MRPL36: variants seen among roughly 807,000 people sequenced by gnomAD.
The protein encoded by MRPL36 is large ribosomal subunit protein bL36m.
MRPL36 carries 1 observed loss-of-function variant against 2.8 expected under a neutral mutation model. The observed-to-expected ratio is 0.36, with a 90% CI of 0.13 to 1.69. MRPL36 has a LOEUF of 1.69. Among genes scored for constraint, MRPL36 ranks in the 40% most tolerant of loss-of-function variants. The probability of loss-of-function intolerance (pLI) is 0.35; values close to 1 mark genes in which losing one functional copy is unlikely to be tolerated. For synonymous variants in MRPL36, 68 were observed against 54.8 expected, an observed-to-expected ratio of 1.24 and a Z score of -1.06; for missense variants, 148 against 132.7, an observed-to-expected ratio of 1.12 and a Z score of -0.57.
chr5:1,799,891 G>C (rs948068233), upstream of MRPL36: 1 of 148,536 alleles, frequency 6.7e-6, no homozygotes, highest in Non-Finnish European at 1.5e-5. Flanking sequence ...GGGGGGTCAC[G>C]TGGCGTGCCC....
upstream of MRPL36, among the ~76,000 whole-genome samples, chr5:1,800,976 A>T (rs750164725): frequency 6.6e-6 from 1 of 152,222 alleles, no homozygotes; most frequent in Non-Finnish European, 1.5e-5. Context: ...ATTATCGGTT[A>T]CCATAAGAAT....
In MRPL36 at chr5:1,798,654, G is replaced by C. The variant is rs373722244; in HGVS notation, c.282C>G (p.Thr94=). 14 of 1,612,270 alleles carry C rather than the reference G, an allele frequency of 8.7e-6. No individual in the cohort carries two copies. The highest frequency in any genetic ancestry group is 3.3e-4 in the Middle Eastern group (2 of 6,074). ...RRGRWYVYCK[T]HPRHKQRQM ...TCTGTCTCTGCTTGTGCCTCGGATGGGTTTTACAGTAGACGTACCACCGAC... is the reference window on the plus strand; with the variant it reads ...TCTGTCTCTGCTTGTGCCTCGGATGCGTTTTACAGTAGACGTACCACCGAC... Residue 94 remains threonine, a synonymous_variant, in exon 2 of 2, where the codon ACC becomes ACG. Transcript: ENST00000505059.
chr5:1,800,928 T>C (rs1334825501), upstream of MRPL36, among the ~76,000 whole-genome samples: 1 of 152,210 alleles, frequency 6.6e-6, no homozygotes, highest in Non-Finnish European at 1.5e-5. Flanking sequence ...AGCAGTTGAC[T>C]CCTTCACCCA....
upstream of MRPL36, chr5:1,801,219 G>A (rs186439319): frequency 3.3e-4 from 244 of 747,250 alleles, no homozygotes; most frequent in Non-Finnish European, 4.8e-4. Context: ...TGTAATCAGG[G>A]GCATTTTTAG....
chr5:1,800,121 A>G (rs1164910677), upstream of MRPL36, among the ~76,000 whole-genome samples: 1 of 152,254 alleles, frequency 6.6e-6, no homozygotes, highest in Non-Finnish European at 1.5e-5. Flanking sequence ...GCAAATACCA[A>G]TGTCAAAACA....
At chr5:1,800,204 G>T (rs550591844), upstream of MRPL36, among the ~76,000 whole-genome samples, 1 of 152,276 alleles carries the variant, frequency 6.6e-6, no homozygotes, top group Non-Finnish European at 1.5e-5. Flanking sequence ...AGTGGAGACG[G>T]GCAGTAGTTT....
intron 1 of MRPL36, 100 bp from the exon 2 acceptor site, chr5:1,799,047 G>A: frequency 3.2e-6 from 3 of 933,904 alleles, no homozygotes; most frequent in South Asian, 3.5e-5. Context: ...GGGAAGGCAG[G>A]GACCTCGGGG....
chr5:1,801,369 G>C, upstream of MRPL36: 3 of 1,595,748 alleles, frequency 1.9e-6, no homozygotes, highest in Non-Finnish European at 2.6e-6. Context: ...GTGCGCATGC[G>C]TTAGCGCTAA....
In MRPL36 at chr5:1,798,526, C is replaced by A. The variant is rs373729697; in HGVS notation, c.*98G>T. ...TAGGGCGTTTGCTTCCAGTCACTTT[C>A]CCCTGACTCCTTGATGTGATAATTC... On this transcript the variant is annotated 3_prime_UTR_variant, in exon 2 of 2. Coordinates refer to ENST00000505059, the MANE Select transcript of MRPL36 (RefSeq NM_032479.4). 5.6e-6 allele frequency: 7 copies of A among 1,246,792 alleles called. No individual in the cohort carries two copies. Among genetic ancestry groups the A allele is most frequent in the Middle Eastern group, 3.9e-4 (2 of 5,120 alleles). 77.2% of individuals were successfully genotyped at this position (1,246,792 alleles called of 1,614,324 possible). A position where few individuals can be genotyped will look rare whatever the true frequency, so the allele number is the denominator to read the frequency against.
Position 1,798,918 on chromosome 5 carries a change from T to C in MRPL36, c.18A>G (p.Ile6Met). MANLF[I>M]RKMVNPLLYL... is the part of the protein sequence containing the mutation. ...AGAGCAGAGGGTTCACCATTTTCCT[T>C]ATAAAAAGATTTGCCATGTTGTGGT... is the stretch of plus-strand genomic sequence containing the variant. The change falls in exon 2 of 2, where the codon ATA becomes ATG. Residue 6 changes from isoleucine (I) to methionine (M), a missense_variant. Coordinates refer to ENST00000505059, the MANE Select transcript of MRPL36 (RefSeq NM_032479.4). 1 of 1,591,456 alleles carries C rather than the reference T, an allele frequency of 6.3e-7. No homozygotes were observed. Among genetic ancestry groups the C allele is most frequent in the East Asian group, 2.3e-5 (1 of 44,336 alleles).
chr5:1,799,730 C>T (rs1311886749), intron 1 of MRPL36, 62 bp downstream of exon 1: 2 of 152,290 alleles, frequency 1.3e-5, no homozygotes, highest in Non-Finnish European at 2.9e-5. Flanking sequence ...CGGCCCCACC[C>T]TCTCGCAGCC....
At chr5:1,799,044 C>G in intron 1 of MRPL36, 97 bp from the exon 2 acceptor site, 4 of 1,034,658 alleles carry the variant, frequency 3.9e-6, no homozygotes, top group Non-Finnish European at 5.6e-6. Context: ...CTTGGGAAGG[C>G]AGGGACCTCG....
At chr5:1,800,618 A>G (rs562268868), upstream of MRPL36, among the ~76,000 whole-genome samples, 15 of 152,072 alleles carry the variant, frequency 9.9e-5, no homozygotes, top group Admixed American at 3.9e-4. Flanking sequence ...CCTCCTCTTT[A>G]TCATCTTCCC....
At chr5:1,800,140 A>C (rs1023873228), upstream of MRPL36, among the ~76,000 whole-genome samples, 20 of 152,194 alleles carry the variant, frequency 1.3e-4, no homozygotes, top group African/African-American at 4.8e-4. Flanking sequence ...CAAACTGAGA[A>C]AGAGGACATG....
intron 1 of MRPL36, 134 bp from the exon 2 acceptor site, chr5:1,799,081 T>G (rs999069631): frequency 1.0e-5 from 7 of 671,958 alleles, no homozygotes; most frequent in Non-Finnish European, 1.8e-5. Flanking sequence ...CCATACCAGC[T>G]GCAGCCTCGA....
rs1201621412 is a variant in MRPL36 at position 1,798,594 on chromosome 5, A to G, written c.*30T>C. The G allele has an allele frequency of 6.4e-7, 1 of 1,572,582 alleles. No individual in the cohort carries two copies. The highest frequency in any genetic ancestry group is 1.7e-4 in the Middle Eastern group (1 of 5,880). On this transcript the variant is annotated 3_prime_UTR_variant, in exon 2 of 2. Coordinates refer to ENST00000505059, the MANE Select transcript of MRPL36 (RefSeq NM_032479.4). ...CATTCTCCCAAGTGATGCGATGACG[A>G]GTATGTGCGTGACTCTGGAGGGAAA...
Position 1,798,960 on chromosome 5 carries a change from G to GA in MRPL36, c.-12-14dup, listed in dbSNP as rs781292966. 2.2e-5 allele frequency: 33 copies of GA among 1,533,660 alleles called. No individual in the cohort carries two copies. The South Asian group carries it at 2.5e-4, about 12-fold the overall frequency. ...TGTTGTGGTGAATCTATGGGAGAGA[G>GA]AAAAAAAGGAGTTATAGCTTCTCCT... On this transcript the variant is annotated splice_polypyrimidine_tract_variant and intron_variant, in intron 1 of 1. Coordinates refer to ENST00000505059, the MANE Select transcript of MRPL36 (RefSeq NM_032479.4).
At chr5:1,800,439 G>C (rs1259062562), upstream of MRPL36, among the ~76,000 whole-genome samples, 1 of 152,156 alleles carries the variant, frequency 6.6e-6, no homozygotes, top group African/African-American at 2.4e-5. Flanking sequence ...GCTCCCTGCA[G>C]GCCCCAACGC....
rs751409392 is a variant in MRPL36, at chr5:1,798,741, C to T, written c.195G>A (p.Gly65=). 11 of 1,613,968 alleles carry T rather than the reference C, an allele frequency of 6.8e-6. No individual in the cohort carries two copies. In the South Asian group the frequency reaches 1.2e-4, roughly 18 times the overall value. The change falls in exon 2 of 2, where the codon GGG becomes GGA. Residue 65 remains glycine, a synonymous_variant. Coordinates refer to ENST00000505059, the MANE Select transcript of MRPL36 (RefSeq NM_032479.4). Reference sequence around the variant, plus strand: ...TCTTAAGGACAGTCTTGTTTTTGAACCCCAGCGCAGGCAGCAGATGGGGCA... The same window carrying T: ...TCTTAAGGACAGTCTTGTTTTTGAATCCCAGCGCAGGCAGCAGATGGGGCA... ...GLLPHLLPAL[G]FKNKTVLKKR...
Sources: gnomAD v4.1 joint callset for allele counts (sites outside exome capture counted in the v4.1 genomes callset) on GRCh38, gnomAD v4.1.1 for gene constraint, MANE v1.5 for transcripts, NCBI Gene and HGNC (gene_info 2026-07-23, HGNC 2026-07-21) for gene names.